Variants in DDX17 observed in about 807,000 individuals in gnomAD.
DDX17 encodes the protein probable ATP-dependent RNA helicase DDX17.
In DDX17, 10 loss-of-function variants were observed where a neutral mutation model predicts 80.8. That is an observed-to-expected ratio of 0.12 (90% CI 0.08 to 0.21). The LOEUF (loss-of-function observed/expected upper bound fraction) is 0.21. Ranked by LOEUF, DDX17 falls within the 10% of genes least tolerant of loss-of-function variation. DDX17 has a pLI of 1.00. For synonymous variants in DDX17, 339 were observed against 336.2 expected (o/e 1.01, Z -0.09); for missense variants, 586 against 957.4 (o/e 0.61, Z 5.12).
At position 38,486,457 on chromosome 22, in the gene DDX17, A is replaced by G. The variant is rs2089660986; in HGVS notation, c.1685-17T>C. 1.9e-6 allele frequency: 3 copies of G among 1,575,644 alleles called. No individual in the cohort carries two copies. The highest frequency in any genetic ancestry group is 1.4e-5 in the African/African-American group (1 of 73,684). ...AACGACCACCTAATGGGAAGATACA[A>G]GAAGATTTTTAATGGCAGATATAGG... On this transcript the variant is annotated splice_polypyrimidine_tract_variant and intron_variant, in intron 12 of 12. Transcript: ENST00000403230.
At chr22:38,496,344 A>T (rs2089767039) in intron 5 of DDX17, among the ~76,000 whole-genome samples, 1 of 152,136 alleles carries the variant, frequency 6.6e-6, no homozygotes, top group African/African-American at 2.4e-5. Context: ...GGTCCTCAAA[A>T]TTTGGATTTG....
chr22:38,485,806 G>C lies in DDX17; in HGVS notation c.*129C>G. On this transcript the variant is annotated 3_prime_UTR_variant, in exon 13 of 13. Coordinates refer to ENST00000403230, the MANE Select transcript of DDX17 (RefSeq NM_006386.5). ...ATGAAAAGACAAATCACGATGGTTG[G>C]GGGGAAAAATTAAAAAAAAAAAAAG... 5.6e-6 allele frequency: 7 copies of C among 1,255,892 alleles called. No homozygotes were observed. Among genetic ancestry groups the C allele is most frequent in the Non-Finnish European group, 7.1e-6 (7 of 981,522 alleles). 77.8% of individuals were successfully genotyped at this position (1,255,892 alleles called of 1,614,324 possible). A position where few individuals can be genotyped will look rare whatever the true frequency, so the allele number is the denominator to read the frequency against.
At chr22:38,498,964 A>T (rs2089798693) in intron 3 of DDX17, among the ~76,000 whole-genome samples, 1 of 152,206 alleles carries the variant, frequency 6.6e-6, no homozygotes, top group Admixed American at 6.5e-5. Flanking sequence ...GTGAGCTGAG[A>T]TCGCGCCACT....
rs1200456523 is a variant in DDX17, at chr22:38,495,876, T to C, written c.800A>G (p.Tyr267Cys). Residue 267 changes from tyrosine to cysteine, a missense_variant, in exon 6 of 13, where the codon TAT becomes TGT. This residue lies in a region of DDX17 where 141 missense variants were observed against 379.3 expected (regional missense o/e 0.37). Transcript: ENST00000403230. Reference sequence around the variant, plus strand: ...ACTCTTCAATCTAGAACATTTGCCATAGTCATCGGCCACCTGCTGTACTTG... The same window carrying C: ...ACTCTTCAATCTAGAACATTTGCCACAGTCATCGGCCACCTGCTGTACTTG... The C allele has an allele frequency of 1.9e-6, 3 of 1,611,134 alleles. No homozygotes were observed. Among genetic ancestry groups the C allele is most frequent in the Non-Finnish European group, 2.5e-6 (3 of 1,179,164 alleles).
In DDX17 at chr22:38,498,066, G is replaced by C; in HGVS notation, c.738+19C>G. 1 of 1,610,564 alleles carries C rather than the reference G, an allele frequency of 6.2e-7. No homozygotes were observed. Among genetic ancestry groups the C allele is most frequent in the Non-Finnish European group, 8.5e-7 (1 of 1,177,486 alleles). On this transcript the variant is annotated intron_variant, in intron 5 of 12. Transcript: ENST00000403230. ...TTGTAGTTTTTCTTAGAATTACAAA[G>C]AAACTGAAACACACTTACGATTGGG...
In DDX17 at chr22:38,506,126, C is replaced by G. The variant is rs2089881450; in HGVS notation, c.112G>C (p.Ala38Pro). 1.3e-6 allele frequency: 2 copies of G among 1,576,838 alleles called. No homozygotes were observed. The highest frequency in any genetic ancestry group is 1.4e-5 in the African/African-American group (1 of 73,982). The change falls in exon 1 of 13, where the codon GCT (alanine) becomes CCT (proline). Residue 38 changes from alanine to proline, a missense_variant. Transcript: ENST00000403230. ...GCTGTTGGGGCGGCGGCAGGCGCAG[C>G]GCTCTCTCGCTCCGACGCGCTGTCT... is the stretch of plus-strand genomic sequence containing the variant.
Position 38,485,821 on chromosome 22 carries a change from AAAAAAAAAAGAAAAAAGG to A in DDX17, c.*96_*113del, listed in dbSNP as rs1249839849. On this transcript the variant is annotated 3_prime_UTR_variant, in exon 13 of 13. Transcript: ENST00000403230. ...ACGATGGTTGGGGGGAAAAATTAAA[AAAAAAAAAAGAAAAAAGG>A]AAAAAAAAAGAAAAGGCGAAGAGGA... 1.9e-5 allele frequency: 26 copies of A among 1,388,426 alleles called. No individual in the cohort carries two copies. Among genetic ancestry groups the A allele is most frequent in the Non-Finnish European group, 2.3e-5 (25 of 1,067,582 alleles). The allele number at this position is 1,388,426 out of a possible 1,614,324, so 86.0% of individuals were successfully genotyped here. A position where few individuals can be genotyped will look rare whatever the true frequency, so the allele number is the denominator to read the frequency against.
rs180679793 is a variant in DDX17 at position 38,500,012 on chromosome 22, A to T, written c.439-513T>A. Among the ~76,000 whole-genome samples the T allele has an allele frequency of 3.2e-3, 492 of 152,006 alleles. 1 individual carries two copies. Among genetic ancestry groups the T allele is most frequent in the South Asian group, 8.1e-3 (39 of 4,806 alleles). On this transcript the variant is annotated intron_variant, in intron 2 of 12. Coordinates refer to ENST00000403230, the MANE Select transcript of DDX17 (RefSeq NM_006386.5). ...AAACTCCGTCTCTACTGAAAAAAAA[A>T]AAATAAATAATAAATGAACCAGGCG...
At chr22:38,488,815 C>G in intron 11 of DDX17, 1 of 985,398 alleles carries the variant, frequency 1.0e-6, no homozygotes, top group Non-Finnish European at 1.2e-6. Context: ...ACTGTACTAC[C>G]AAGCCCAGCT....
intron 7 of DDX17, 35 bp from the exon 8 acceptor site, chr22:38,494,837 G>C: frequency 1.9e-6 from 3 of 1,613,924 alleles, no homozygotes; most frequent in Non-Finnish European, 2.5e-6. Context: ...TTCAGGCTAA[G>C]GAACTTGGAC....
rs1244673695 is a variant in DDX17 at position 38,506,068 on chromosome 22, G to C, written c.170C>G (p.Pro57Arg). 5 of 1,584,676 alleles carry C rather than the reference G, an allele frequency of 3.2e-6. No homozygotes were observed. Among genetic ancestry groups the C allele is most frequent in the Non-Finnish European group, 3.4e-6 (4 of 1,166,632 alleles). ...CGGGCTCGGGAGGGCCTGCGGCTCCGGTCTGGTGACGACCGATGGCGGCGG... is the reference window on the plus strand; with the variant it reads ...CGGGCTCGGGAGGGCCTGCGGCTCCCGTCTGGTGACGACCGATGGCGGCGG... Residue 57 changes from proline to arginine, a missense_variant, in exon 1 of 13, where the codon CCG becomes CGG. By Grantham distance (103) the Pro-to-Arg change is moderately radical. Around this residue, in one of 4 missense-constraint regions of DDX17, gnomAD observed 215 missense variants for 238.4 expected, o/e 0.90. Coordinates refer to ENST00000403230, the MANE Select transcript of DDX17 (RefSeq NM_006386.5).
intron 5 of DDX17, 56 bp downstream of exon 5, chr22:38,498,025 CTAAA>C: frequency 6.6e-7 from 1 of 1,525,466 alleles, no homozygotes; most frequent in Non-Finnish European, 9.1e-7. Context: ...AGCACCAAGC[CTAAA>C]TAGTCGCTAA....
At chr22:38,487,631 C>T (rs1356154488) in intron 12 of DDX17, among the ~76,000 whole-genome samples, 3 of 152,028 alleles carry the variant, frequency 2.0e-5, no homozygotes, top group African/African-American at 7.2e-5. Context: ...AACAAACAAA[C>T]AAACAAAACC....
Position 38,505,965 on chromosome 22 carries a change from ATCCCGG to A in DDX17, c.267_272del (p.Asp93_Arg94del), listed in dbSNP as rs1230737843. On this transcript the variant is annotated inframe_deletion, in exon 1 of 13. Coordinates refer to ENST00000403230, the MANE Select transcript of DDX17 (RefSeq NM_006386.5). ...CCCACCCTTACCCTCCACGGTCACGATCCCGGTCCCGGTCCCCAAAGCCTCCTCCGC... is the reference window on the plus strand; with the variant it reads ...CCCACCCTTACCCTCCACGGTCACGATCCCGGTCCCCAAAGCCTCCTCCGC... 6 of 1,581,362 alleles carry A rather than the reference ATCCCGG, an allele frequency of 3.8e-6. No homozygotes were observed. Among genetic ancestry groups the A allele is most frequent in the African/African-American group, 1.4e-5 (1 of 73,784 alleles).
chr22:38,497,022 G>A (rs1010744789), intron 5 of DDX17, among the ~76,000 whole-genome samples: 6 of 151,956 alleles, frequency 3.9e-5, no homozygotes, highest in Middle Eastern at 3.4e-3. Flanking sequence ...TAAGTAGGCC[G>A]GGCGTGGTGG....
In DDX17 at chr22:38,486,187, G is replaced by A. The variant is rs760333279; in HGVS notation, c.1938C>T (p.Gly646=). The A allele has an allele frequency of 6.2e-7, 1 of 1,614,026 alleles. No individual in the cohort carries two copies. The change falls in exon 13 of 13, where the codon GGC becomes GGT. Residue 646 remains glycine, a synonymous_variant. Transcript: ENST00000403230. ...ATTCTTGAGCTGTATAGCTACTGGT[G>A]CCATAAGCAGCTGCCCCATAGGTGC...
intron 10 of DDX17, among the ~76,000 whole-genome samples, chr22:38,493,169 A>G (rs2089729707): frequency 6.6e-6 from 1 of 152,148 alleles, no homozygotes; most frequent in African/African-American, 2.4e-5. Flanking sequence ...TTGCAAATAA[A>G]TATTGTCTGA....
intron 11 of DDX17, chr22:38,488,887 A>G (rs2089687608): frequency 1.0e-6 from 1 of 985,316 alleles, no homozygotes; most frequent in Non-Finnish European, 1.2e-6. Flanking sequence ...ACTTGTTTCA[A>G]TTATCAATGA....
intron 10 of DDX17, 156 bp downstream of exon 10, chr22:38,493,554 T>A: frequency 1.6e-6 from 1 of 627,384 alleles, no homozygotes; most frequent in Non-Finnish European, 2.9e-6. Flanking sequence ...CAGTGCTGAG[T>A]GGCTATAACA....
Sources: gnomAD v4.1 joint callset for allele counts (sites outside exome capture counted in the v4.1 genomes callset) on GRCh38, gnomAD v4.1.1 for gene constraint, gnomAD v4.1.1 regional missense constraint, MANE v1.5 for transcripts, NCBI Gene and HGNC (gene_info 2026-07-23, HGNC 2026-07-21) for gene names.